Variants in ZFAND6 observed in about 807,000 individuals in gnomAD.
ZFAND6 encodes AN1-type zinc finger protein 6.
ZFAND6 carries 12 observed loss-of-function variants against 24.5 expected under a neutral mutation model. That is an observed-to-expected ratio of 0.49 (90% CI 0.31 to 0.79). ZFAND6 has a LOEUF of 0.79. Ranked by LOEUF, ZFAND6 falls within the 30% of genes least tolerant of loss-of-function variation. ZFAND6 has a pLI of 0.04. For synonymous variants in ZFAND6, 92 were observed against 81.5 expected (o/e 1.13, Z -0.69); for missense variants, 207 against 245.9 (o/e 0.84, Z 1.06).
chr15:80,094,596 A>T (rs1050631584), intron 1 of ZFAND6, among the ~76,000 whole-genome samples: 42 of 151,198 alleles, frequency 2.8e-4, no homozygotes, highest in African/African-American at 9.7e-4. Context: ...CTGTCATATT[A>T]TTTTTTTCTG....
At chr15:80,131,672 A>G (rs1252513107) in intron 6 of ZFAND6, among the ~76,000 whole-genome samples, 3 of 152,230 alleles carry the variant, frequency 2.0e-5, no homozygotes, top group Non-Finnish European at 4.4e-5. Flanking sequence ...GTGTGGGTTC[A>G]GTGAGTTAAG....
intron 6 of ZFAND6, 42 bp from the exon 7 acceptor site, chr15:80,137,438 T>C (rs1257816665): frequency 6.4e-7 from 1 of 1,572,006 alleles, no homozygotes; most frequent in Admixed American, 2.1e-5. Context: ...GACCTTAATA[T>C]TTCATCCTTC....
At chr15:80,095,516 C>T (rs76035696) in intron 1 of ZFAND6, among the ~76,000 whole-genome samples, 7,852 of 152,222 alleles carry the variant, frequency 0.052, 230 homozygotes, top group African/African-American at 0.059. Flanking sequence ...CTTTCATTCA[C>T]AAAGAGTTTT....
intron 6 of ZFAND6, among the ~76,000 whole-genome samples, chr15:80,136,707 T>C (rs937296840): frequency 1.2e-4 from 19 of 152,220 alleles, no homozygotes; most frequent in Non-Finnish European, 5.9e-5. Flanking sequence ...TTTCTAACAA[T>C]TGTATCATAC....
Position 80,094,477 on chromosome 15 carries a change from CT to C in ZFAND6, c.-180-3938del, listed in dbSNP as rs139166932. Among the ~76,000 whole-genome samples, 1,103 of 151,996 alleles carry C rather than the reference CT, an allele frequency of 7.3e-3. 16 individuals are homozygous for C. The highest frequency in any genetic ancestry group is 0.026 in the African/African-American group (1,067 of 41,370). Reference sequence around the variant, plus strand: ...AAATCATCCCGCCCACCCCTACCCCCTACCCCAAAAACACACACGGAAAATT... The same window carrying C: ...AAATCATCCCGCCCACCCCTACCCCCACCCCAAAAACACACACGGAAAATT... On this transcript the variant is annotated intron_variant, in intron 1 of 6. Transcript: ENST00000261749.
At chr15:80,080,992 C>G (rs2037632365) in intron 1 of ZFAND6, among the ~76,000 whole-genome samples, 1 of 152,210 alleles carries the variant, frequency 6.6e-6, no homozygotes, top group Non-Finnish European at 1.5e-5. Context: ...CTGGGGATTA[C>G]AGTTCACCAT....
intron 1 of ZFAND6, among the ~76,000 whole-genome samples, chr15:80,068,027 T>C (rs1178047796): frequency 1.3e-5 from 2 of 152,014 alleles, no homozygotes; most frequent in Non-Finnish European, 2.9e-5. Context: ...AGTGGCACAA[T>C]CTCGGCTCAC....
chr15:80,062,936 G>C (rs1194386692), intron 1 of ZFAND6, among the ~76,000 whole-genome samples: 1 of 152,086 alleles, frequency 6.6e-6, no homozygotes. Context: ...AATGTAATCT[G>C]CCTCACCATC....
chr15:80,070,664 A>G (rs957065241), intron 1 of ZFAND6, among the ~76,000 whole-genome samples: 2 of 152,288 alleles, frequency 1.3e-5, no homozygotes, highest in East Asian at 1.9e-4. Flanking sequence ...TTGGTGTTAT[A>G]TTAGTGTATG....
chr15:80,097,938 C>G (rs373162839), intron 1 of ZFAND6, among the ~76,000 whole-genome samples: 1 of 151,860 alleles, frequency 6.6e-6, no homozygotes, highest in African/African-American at 2.4e-5. Context: ...TTTAATCTGT[C>G]AAGAAATGTG....
chr15:80,088,421 G>A (rs8042747), intron 1 of ZFAND6, among the ~76,000 whole-genome samples: 87,733 of 151,826 alleles, frequency 0.58, 26,799 homozygotes, highest in Non-Finnish European at 0.68. Flanking sequence ...TACAAAATTA[G>A]GGGGTGTGGT....
intron 2 of ZFAND6, among the ~76,000 whole-genome samples, chr15:80,098,977 T>C (rs2038886157): frequency 1.3e-5 from 2 of 152,030 alleles, no homozygotes; most frequent in African/African-American, 4.8e-5. Flanking sequence ...TGATGTTTGA[T>C]ATTAATAGAG....
rs990222363 is a variant in ZFAND6 at position 80,071,745 on chromosome 15, T to TA, written c.-181+11950dup. On this transcript the variant is annotated intron_variant, in intron 1 of 6. Transcript: ENST00000261749. Reference sequence around the variant, plus strand: ...GGAGTGCAAAGTAGTTTCCACACATTAAAAAAAAAAAAAAGATGAAAAAGA... The same window carrying TA: ...GGAGTGCAAAGTAGTTTCCACACATTAAAAAAAAAAAAAAAGATGAAAAAGA... 3.8e-3 allele frequency among the ~76,000 whole-genome samples: 523 copies of TA among 139,124 alleles called. 2 individuals carry two copies. Among genetic ancestry groups the TA allele is most frequent in the South Asian group, 4.1e-3 (18 of 4,390 alleles). The allele number at this position is 139,124 out of a possible 152,430, so 91.3% of individuals were successfully genotyped here.
At chr15:80,120,207 A>G (rs895105792) in intron 2 of ZFAND6, 121 bp from the exon 3 acceptor site, 4 of 755,964 alleles carry the variant, frequency 5.3e-6, no homozygotes, top group African/African-American at 3.6e-5. Flanking sequence ...GTCTTGGGAC[A>G]GTTATGTAGA....
At chr15:80,077,693 C>CTTTCTTT (rs2037364990) in intron 1 of ZFAND6, among the ~76,000 whole-genome samples, 1 of 101,894 alleles carries the variant, frequency 9.8e-6, no homozygotes, top group African/African-American at 3.4e-5. Flanking sequence ...AGTGAGTTTT[C>CTTTCTTT]TTTCTTTTTT....
chr15:80,113,859 A>T (rs1033502206), intron 2 of ZFAND6, among the ~76,000 whole-genome samples: 6 of 152,078 alleles, frequency 3.9e-5, no homozygotes, highest in African/African-American at 1.4e-4. Context: ...GAGTAATGGT[A>T]CAATTAAGTG....
At chr15:80,127,635 A>G (rs1377635249) in intron 5 of ZFAND6, among the ~76,000 whole-genome samples, 2 of 151,082 alleles carry the variant, frequency 1.3e-5, no homozygotes, top group Non-Finnish European at 2.9e-5. Context: ...ACTTCATTAG[A>G]TATGAGGGAA....
At chr15:80,099,765 C>T (rs1014993944) in intron 2 of ZFAND6, among the ~76,000 whole-genome samples, 16 of 151,972 alleles carry the variant, frequency 1.1e-4, no homozygotes, top group Admixed American at 5.2e-4. Flanking sequence ...TACAGGCATG[C>T]GCCACCATGC....
chr15:80,085,621 A>G lies in ZFAND6; in HGVS notation c.-180-12795A>G, dbSNP rs559341545. 2.6e-5 allele frequency among the ~76,000 whole-genome samples: 4 copies of G among 152,374 alleles called. No homozygotes were observed. The South Asian group carries it at 8.3e-4, about 32-fold the overall frequency. Reference sequence around the variant, plus strand: ...ATCATCTAACTAGTTAGCAATAAAAATGGATAAAAATATCTGTATATTTTT... The same window carrying G: ...ATCATCTAACTAGTTAGCAATAAAAGTGGATAAAAATATCTGTATATTTTT... On this transcript the variant is annotated intron_variant, in intron 1 of 6. Coordinates refer to ENST00000261749, the MANE Select transcript of ZFAND6 (RefSeq NM_019006.4).
Sources: allele counts gnomAD v4.1 joint callset (sites outside exome capture counted in the v4.1 genomes callset), GRCh38; gene constraint gnomAD v4.1.1; transcripts MANE v1.5; gene names NCBI Gene and HGNC (gene_info 2026-07-23, HGNC 2026-07-21).